The following SLC35G1 variants were observed in gnomAD, a reference collection of about 807,000 sequenced individuals.
The protein encoded by SLC35G1 is partner of STIM1.
Under a neutral mutation model 17.1 loss-of-function variants are expected in SLC35G1, and 10 were observed. That is an observed-to-expected ratio of 0.59 (90% CI 0.36 to 0.99). SLC35G1 has a LOEUF of 0.99. SLC35G1 is among the 50% of genes least tolerant of loss of function. The pLI, the probability that SLC35G1 is intolerant of heterozygous loss-of-function variation, is 0.01. For synonymous variants in SLC35G1, 185 were observed against 181.1 expected, an observed-to-expected ratio of 1.02 and a Z score of -0.18; for missense variants, 433 against 468.4, an observed-to-expected ratio of 0.92 and a Z score of 0.70.
Position 93,901,048 on chromosome 10 carries a change from C to T in SLC35G1, c.656C>T (p.Ser219Leu), listed in dbSNP as rs1438916411. 4 of 1,614,104 alleles carry T rather than the reference C, an allele frequency of 2.5e-6. No homozygotes were observed. The South Asian group carries it at 3.3e-5, about 13-fold the overall frequency. Reference protein sequence around the residue: ...SDTSGMEESYSGHLKGTFAAI... With the variant: ...SDTSGMEESYLGHLKGTFAAI... ...ACTTCGGGGATGGAAGAAAGCTATTCAGGCCACCTTAAGGGAACATTCGCA... is the reference window on the plus strand; with the variant it reads ...ACTTCGGGGATGGAAGAAAGCTATTTAGGCCACCTTAAGGGAACATTCGCA... Residue 219 changes from serine to leucine, a missense_variant, in exon 3 of 3, where the codon TCA becomes TTA. Physicochemically the swap from Ser to Leu is moderately radical, Grantham distance 145 (BLOSUM62 -2). Transcript: ENST00000427197.
In SLC35G1 at chr10:93,901,457, G is replaced by A. The variant is rs200454872; in HGVS notation, c.1065G>A (p.Ala355=). The A allele has an allele frequency of 1.1e-5, 17 of 1,598,508 alleles. No individual in the cohort carries two copies. The highest frequency in any genetic ancestry group is 1.7e-4 in the Middle Eastern group (1 of 5,992). ...ALCVVASNVG[A]AIRKWYQSSK ...GCGTAGTAGCCAGTAATGTTGGAGC[G>A]GCCATTCGTAAATGGTACCAAAGTT... The change falls in exon 3 of 3, where the codon GCG becomes GCA. Residue 355 remains alanine (A), a synonymous_variant. Transcript: ENST00000427197.
chr10:93,904,950 G>GC (rs552638520), downstream of SLC35G1, among the ~76,000 whole-genome samples: 1 of 152,140 alleles, frequency 6.6e-6, no homozygotes, highest in Non-Finnish European at 1.5e-5. Flanking sequence ...ACTCCATTCG[G>GC]CCCCCTCCTG....
chr10:93,894,368 G>C (rs1055916703), intron 1 of SLC35G1, among the ~76,000 whole-genome samples, 157 bp downstream of exon 1: 1 of 152,234 alleles, frequency 6.6e-6, no homozygotes, highest in African/African-American at 2.4e-5. Context: ...CAGCTGGGGG[G>C]CTGCAAAGCG....
rs1375726880 is a variant in SLC35G1, at chr10:93,894,033, G to C, written c.-1G>C. On this transcript the variant is annotated 5_prime_UTR_variant, in exon 1 of 3. Coordinates refer to ENST00000427197, the MANE Select transcript of SLC35G1 (RefSeq NM_001134658.3). ...GCCGCTGGTAGAGCGCGTGCCGCGA[G>C]ATGCGGCCTCAGGACAGCACCGGGG... is the stretch of plus-strand genomic sequence containing the variant. 1.0e-5 allele frequency: 15 copies of C among 1,431,884 alleles called. No homozygotes were observed. The highest frequency in any genetic ancestry group is 1.5e-5 in the African/African-American group (1 of 67,116). The allele number at this position is 1,431,884 out of a possible 1,614,324, so 88.7% of individuals were successfully genotyped here.
chr10:93,901,065 A>G lies in SLC35G1; in HGVS notation c.673A>G (p.Thr225Ala). 1 of 1,614,156 alleles carries G rather than the reference A, an allele frequency of 6.2e-7. No individual in the cohort carries two copies. Among genetic ancestry groups the G allele is most frequent in the Admixed American group, 1.7e-5 (1 of 60,020 alleles). Residue 225 changes from threonine (T) to alanine (A), a missense_variant, in exon 3 of 3, where the codon ACA becomes GCA. Coordinates refer to ENST00000427197, the MANE Select transcript of SLC35G1 (RefSeq NM_001134658.3). Reference sequence around the variant, plus strand: ...AAGCTATTCAGGCCACCTTAAGGGAACATTCGCAGCAATTGGAAGTGCCGT... The same window carrying G: ...AAGCTATTCAGGCCACCTTAAGGGAGCATTCGCAGCAATTGGAAGTGCCGT... ...EESYSGHLKGTFAAIGSAVFA... is the reference protein window; with the variant it reads ...EESYSGHLKGAFAAIGSAVFA...
Position 93,898,619 on chromosome 10 carries a change from T to C in SLC35G1, c.227T>C (p.Leu76Ser), listed in dbSNP as rs1200620188. The change falls in exon 2 of 3, where the codon TTA (leucine) becomes TCA (serine). Residue 76 changes from leucine (L) to serine (S), a missense_variant. Leu to Ser is a moderately radical substitution (Grantham distance 145). Coordinates refer to ENST00000427197, the MANE Select transcript of SLC35G1 (RefSeq NM_001134658.3). Reference sequence around the variant, plus strand: ...CCTGGACTTGGCTTGTTTTACACATTATTGTCTGCCTTCCTTTTCTCAGTG... The same window carrying C: ...CCTGGACTTGGCTTGTTTTACACATCATTGTCTGCCTTCCTTTTCTCAGTG... ...PCPGLGLFYTLLSAFLFSVGS... is the reference protein window; with the variant it reads ...PCPGLGLFYTSLSAFLFSVGS... The C allele has an allele frequency of 2.5e-6, 4 of 1,613,400 alleles. No individual in the cohort carries two copies. In the South Asian group the frequency reaches 4.4e-5, roughly 18 times the overall value.
At position 93,901,185 on chromosome 10, in the gene SLC35G1, G is replaced by GA. The variant is rs1430648087; in HGVS notation, c.796dup (p.Ser266LysfsTer69). On this transcript the variant is annotated frameshift_variant, in exon 3 of 3. Transcript: ENST00000427197. LOFTEE classifies it high-confidence loss of function. ...GTATTATGTAGTACTTGGCCTCGTTGAAAGTGTCATCATCCTCTCTGTATT... is the reference window on the plus strand; with the variant it reads ...GTATTATGTAGTACTTGGCCTCGTTGAAAAGTGTCATCATCCTCTCTGTATT... 2 of 1,614,000 alleles carry GA rather than the reference G, an allele frequency of 1.2e-6. No individual in the cohort carries two copies. The highest frequency in any genetic ancestry group is 1.7e-6 in the Non-Finnish European group (2 of 1,179,984).
At chr10:93,895,785 A>G (rs769913400) in intron 1 of SLC35G1, among the ~76,000 whole-genome samples, 2 of 152,194 alleles carry the variant, frequency 1.3e-5, no homozygotes, top group Non-Finnish European at 2.9e-5. Flanking sequence ...TAACAGACAC[A>G]TACAGCTGTC....
chr10:93,900,584 T>TA (rs1411175536), intron 2 of SLC35G1, among the ~76,000 whole-genome samples, 168 bp from the exon 3 acceptor site: 1 of 152,180 alleles, frequency 6.6e-6, no homozygotes, highest in Non-Finnish European at 1.5e-5. Context: ...ACTTAGAAAA[T>TA]ACTATTTTTA....
downstream of SLC35G1, among the ~76,000 whole-genome samples, chr10:93,905,050 C>G (rs2134073528): frequency 6.6e-6 from 1 of 152,280 alleles, no homozygotes; most frequent in African/African-American, 2.4e-5. Context: ...CTTTCATGCG[C>G]AGGTGTTACC....
rs1490129524 is a variant in SLC35G1, at chr10:93,901,370, T to A, written c.978T>A (p.Phe326Leu). 11 of 1,614,034 alleles carry A rather than the reference T, an allele frequency of 6.8e-6. No individual in the cohort carries two copies. Among genetic ancestry groups the A allele is most frequent in the African/African-American group, 1.3e-5 (1 of 74,932 alleles). ...AGACAATGGATGTGGTCTTTGCTTT[T>A]ATCTTTCAGATTATTTTCTTTAATA... is the stretch of plus-strand genomic sequence containing the variant. ...IMKTMDVVFA[F>L]IFQIIFFNNV... The change falls in exon 3 of 3, where the codon TTT becomes TTA. Residue 326 changes from phenylalanine to leucine, a missense_variant. Phe to Leu is a conservative substitution (Grantham distance 22). Transcript: ENST00000427197.
At chr10:93,900,333 T>C (rs1270332902) in intron 2 of SLC35G1, among the ~76,000 whole-genome samples, 7 of 152,180 alleles carry the variant, frequency 4.6e-5, no homozygotes, top group Non-Finnish European at 1.0e-4. Context: ...ATAAAAGTGA[T>C]ATGTTTATAG....
In SLC35G1 at chr10:93,894,013, T is replaced by A; in HGVS notation, c.-21T>A. 1 of 1,380,662 alleles carries A rather than the reference T, an allele frequency of 7.2e-7. No individual in the cohort carries two copies. Among genetic ancestry groups the A allele is most frequent in the Non-Finnish European group, 9.3e-7 (1 of 1,073,274 alleles). The allele number at this position is 1,380,662 out of a possible 1,614,324, so 85.5% of individuals were successfully genotyped here. On this transcript the variant is annotated 5_prime_UTR_variant, in exon 1 of 3. Transcript: ENST00000427197. ...GCTGGCGCCAGACGGCACCGGCCGC[T>A]GGTAGAGCGCGTGCCGCGAGATGCG...
rs752003249 is a variant in SLC35G1, at chr10:93,900,768, C to T, written c.376C>T (p.Pro126Ser). 6.9e-6 allele frequency: 11 copies of T among 1,603,794 alleles called. No individual in the cohort carries two copies. The highest frequency in any genetic ancestry group is 2.2e-5 in the South Asian group (2 of 90,136). Reference sequence around the variant, plus strand: ...AATTTACAGAACTGGGTTTATAGGCCCAAAAGGTCAACGAATTTTCCTCAT... The same window carrying T: ...AATTTACAGAACTGGGTTTATAGGCTCAAAAGGTCAACGAATTTTCCTCAT... ...LIYRKTGFIG[P>S]KGQRIFLILR... The change falls in exon 3 of 3, where the codon CCA becomes TCA. Residue 126 changes from proline to serine, a missense_variant. Transcript: ENST00000427197.
At chr10:93,904,099 T>G (rs543950369), downstream of SLC35G1, among the ~76,000 whole-genome samples, 2 of 152,316 alleles carry the variant, frequency 1.3e-5, no homozygotes, top group South Asian at 4.1e-4. Context: ...ACTCTGTACT[T>G]TTTGTTCCTG....
At chr10:93,898,536 G>A (rs756567394) in intron 1 of SLC35G1, 35 bp from the exon 2 acceptor site, 3 of 1,576,070 alleles carry the variant, frequency 1.9e-6, no homozygotes, top group African/African-American at 1.4e-5. Context: ...CATACACTTG[G>A]AAGCAAGGAC....
At chr10:93,899,640 A>G (rs529359375) in intron 2 of SLC35G1, among the ~76,000 whole-genome samples, 1 of 152,332 alleles carries the variant, frequency 6.6e-6, no homozygotes, top group East Asian at 1.9e-4. Flanking sequence ...GTGCGGATTC[A>G]CTTAGAATAG....
chr10:93,897,732 C>T (rs117176619), intron 1 of SLC35G1, among the ~76,000 whole-genome samples: 1 of 152,106 alleles, frequency 6.6e-6, no homozygotes, highest in Non-Finnish European at 1.5e-5. Context: ...ATACTTGATG[C>T]CCTGGAGAAA....
Position 93,901,211 on chromosome 10 carries a change from A to G in SLC35G1, c.819A>G (p.Leu273=), listed in dbSNP as rs1589802470. 6.2e-7 allele frequency: 1 copy of G among 1,614,082 alleles called. No homozygotes were observed. Among genetic ancestry groups the G allele is most frequent in the Non-Finnish European group, 8.5e-7 (1 of 1,179,948 alleles). The stretch of plus-strand genomic sequence containing the variant: ...AAAGTGTCATCATCCTCTCTGTATT[A>G]GGAGAGTGGAGTCTGCCTTACTGTG... The part of the protein sequence containing the change: ...LVESVIILSV[L]GEWSLPYCGL... Residue 273 remains leucine, a synonymous_variant, in exon 3 of 3, where the codon TTA becomes TTG. Transcript: ENST00000427197.
Sources: allele counts gnomAD v4.1 joint callset (sites outside exome capture counted in the v4.1 genomes callset), GRCh38; gene constraint gnomAD v4.1.1; transcripts MANE v1.5; gene names NCBI Gene and HGNC (gene_info 2026-07-23, HGNC 2026-07-21).